The following SFMBT2 variants were observed in gnomAD, a reference collection of about 807,000 sequenced individuals.
The protein encoded by SFMBT2 is Scm like with four mbt domains 2.
In SFMBT2, 38 loss-of-function variants were observed where a neutral mutation model predicts 110.1. The observed-to-expected ratio is 0.35, with a 90% confidence interval of 0.27 to 0.45. The LOEUF is 0.45. SFMBT2 is among the 20% of genes least tolerant of loss of function. The pLI is 1.00. For missense variants in SFMBT2, 1,011 were observed against 1,094.9 expected (o/e 0.92, Z 1.08); for synonymous variants, 425 against 425.4 (o/e 1.00, Z 0.01).
At position 7,381,379 on chromosome 10, in the gene SFMBT2, GC is replaced by G. The variant is rs572000024; in HGVS notation, c.100+419del. ...ACCTCCCTTGCTGTGGCAGAAACAT[GC>G]AACTAACTTCCTGTCAAGGGGTTCT... On this transcript the variant is annotated intron_variant, in intron 2 of 20. Coordinates refer to ENST00000397167, the MANE Select transcript of SFMBT2 (RefSeq NM_001387889.1). Among the ~76,000 whole-genome samples, 25 of 152,274 alleles carry G rather than the reference GC, an allele frequency of 1.6e-4. No individual in the cohort carries two copies. The East Asian group carries it at 4.6e-3, about 28-fold the overall frequency.
At chr10:7,347,188 T>C (rs1225507642) in intron 4 of SFMBT2, among the ~76,000 whole-genome samples, 1 of 152,024 alleles carries the variant, frequency 6.6e-6, no homozygotes, top group African/African-American at 2.4e-5. Flanking sequence ...TGTAACTAGG[T>C]AGGGCCTGGT....
intron 4 of SFMBT2, among the ~76,000 whole-genome samples, chr10:7,315,038 G>GAGAAAGAAAGAAAAGAAAGAAAGAA (rs1554802843): frequency 6.7e-4 from 55 of 82,246 alleles, no homozygotes; most frequent in Middle Eastern, 5.2e-3. Flanking sequence ...AAGAAAGAAA[G>GAGAAAGAAAGAAAAGAAAGAAAGAA]AGAAAGAAAG....
intron 6 of SFMBT2, 106 bp downstream of exon 6, chr10:7,283,798 G>T: frequency 1.2e-6 from 1 of 820,836 alleles, no homozygotes; most frequent in Non-Finnish European, 2.0e-6. Flanking sequence ...CACATACTCA[G>T]ATATAAAAGA....
At chr10:7,223,723 G>C (rs1839820604) in intron 10 of SFMBT2, among the ~76,000 whole-genome samples, 1 of 152,062 alleles carries the variant, frequency 6.6e-6, no homozygotes, top group Non-Finnish European at 1.5e-5. Context: ...TTCATTATGA[G>C]AATATTTTCC....
At chr10:7,399,511 C>T (rs953066280) in intron 1 of SFMBT2, among the ~76,000 whole-genome samples, 3 of 152,184 alleles carry the variant, frequency 2.0e-5, no homozygotes, top group African/African-American at 7.2e-5. Flanking sequence ...GGATTACAGG[C>T]GTGAGCCACT....
intron 5 of SFMBT2, 160 bp from the exon 6 acceptor site, chr10:7,284,310 AC>A: frequency 1.0e-6 from 1 of 960,296 alleles, no homozygotes; most frequent in Non-Finnish European, 1.5e-6. Context: ...CCCATGCCCC[AC>A]CCCTTCCCTT....
chr10:7,319,486 C>T (rs1233918878), intron 4 of SFMBT2, among the ~76,000 whole-genome samples: 2 of 152,192 alleles, frequency 1.3e-5, no homozygotes, highest in Admixed American at 6.5e-5. Context: ...ACGTCCTTCA[C>T]GTACAAAGGT....
intron 10 of SFMBT2, among the ~76,000 whole-genome samples, chr10:7,226,916 C>T (rs1009266104): frequency 7.2e-5 from 11 of 152,206 alleles, no homozygotes; most frequent in East Asian, 3.9e-4. Flanking sequence ...GTACAAGGTA[C>T]GCTCTATGAC....
intron 4 of SFMBT2, among the ~76,000 whole-genome samples, chr10:7,361,117 C>A (rs1844703692): frequency 6.6e-6 from 1 of 152,108 alleles, no homozygotes; most frequent in South Asian, 2.1e-4. Context: ...TAATGAGTGT[C>A]TCTCTGCTTC....
chr10:7,240,156 C>T (rs563858831), intron 9 of SFMBT2, among the ~76,000 whole-genome samples: 4 of 152,280 alleles, frequency 2.6e-5, no homozygotes, highest in African/African-American at 9.6e-5. Context: ...ACATTCCCCA[C>T]CTCTGTCCCT....
intron 4 of SFMBT2, among the ~76,000 whole-genome samples, chr10:7,361,371 T>C (rs1472889942): frequency 3.3e-5 from 5 of 152,204 alleles, no homozygotes; most frequent in Non-Finnish European, 5.9e-5. Flanking sequence ...AGTTGAGCCA[T>C]GTCACAGCTG....
intron 4 of SFMBT2, among the ~76,000 whole-genome samples, chr10:7,349,466 T>TTTTTTTTTGG (rs1844239262): frequency 7.6e-6 from 1 of 131,462 alleles, no homozygotes; most frequent in African/African-American, 3.0e-5. Flanking sequence ...TTTTTTTTTT[T>TTTTTTTTTGG]GCGGGGGGGA....
chr10:7,232,738 G>C (rs1840141305), intron 9 of SFMBT2, among the ~76,000 whole-genome samples: 2 of 152,104 alleles, frequency 1.3e-5, no homozygotes, highest in South Asian at 4.1e-4. Flanking sequence ...ATTTTTCCAA[G>C]TTTTTAATAA....
At chr10:7,227,614 A>G (rs757465482) in intron 10 of SFMBT2, among the ~76,000 whole-genome samples, 2 of 152,196 alleles carry the variant, frequency 1.3e-5, no homozygotes, top group Non-Finnish European at 2.9e-5. Context: ...AGACCTGGCC[A>G]TCACCTTTTA....
intron 9 of SFMBT2, among the ~76,000 whole-genome samples, chr10:7,232,306 A>T (rs147465228): frequency 7.0e-4 from 105 of 151,028 alleles, no homozygotes; most frequent in Middle Eastern, 3.4e-3. Flanking sequence ...ATTTGGCATT[A>T]AAAAAAAACT....
chr10:7,315,104 GAAAGAAAAAGCA>G (rs577276212), intron 4 of SFMBT2, among the ~76,000 whole-genome samples: 1,583 of 143,006 alleles, frequency 0.011, 23 homozygotes, highest in Non-Finnish European at 0.016. Context: ...AAGAAAGAAA[GAAAGAAAAAGCA>G]AGCAAGCAAG....
chr10:7,342,418 T>TTTTTTTTC (rs1270055179), intron 4 of SFMBT2, among the ~76,000 whole-genome samples: 8 of 104,828 alleles, frequency 7.6e-5, no homozygotes, highest in African/African-American at 3.4e-4. Context: ...TTTTTTTTTT[T>TTTTTTTTC]TTTTTTTTGA....
chr10:7,286,457 GA>G, intron 4 of SFMBT2: 1 of 711,116 alleles, frequency 1.4e-6, no homozygotes, highest in Non-Finnish European at 1.7e-6. Flanking sequence ...GAAATGGGGA[GA>G]ATAAGTAGTC....
chr10:7,296,969 C>A (rs1316367122), intron 4 of SFMBT2, among the ~76,000 whole-genome samples: 1 of 152,224 alleles, frequency 6.6e-6, no homozygotes, highest in African/African-American at 2.4e-5. Context: ...AACTGCAACT[C>A]TTCCCTGAGT....
Sources: allele counts gnomAD v4.1 joint callset (sites outside exome capture counted in the v4.1 genomes callset), GRCh38; gene constraint gnomAD v4.1.1; transcripts MANE v1.5; gene names NCBI Gene and HGNC (gene_info 2026-07-23, HGNC 2026-07-21).